The following GABRB2 variants were observed in gnomAD, a reference collection of about 807,000 sequenced individuals.
GABRB2 encodes the protein gamma-aminobutyric acid receptor subunit beta-2.
Under a neutral mutation model 54.7 loss-of-function variants are expected in GABRB2, and 16 were observed. The ratio of observed to expected loss-of-function variants is 0.29; its 90% CI spans 0.20 to 0.44. GABRB2 has a LOEUF of 0.44. Among genes scored for constraint, GABRB2 ranks in the 20% least tolerant of loss-of-function variants. GABRB2 has a pLI of 1.00. For missense variants in GABRB2, 355 were observed against 644.0 expected (o/e 0.55, Z 4.86); for synonymous variants, 244 against 233.8 (o/e 1.04, Z -0.40).
chr5:161,433,295 T>C (rs114311499), intron 4 of GABRB2, among the ~76,000 whole-genome samples: 2,988 of 152,156 alleles, frequency 0.02, 40 homozygotes, highest in Middle Eastern at 0.082. Context: ...TTTTGACCTC[T>C]GGCCATACGA....
At chr5:161,320,064 C>T (rs1758163462) in intron 9 of GABRB2, among the ~76,000 whole-genome samples, 1 of 151,464 alleles carries the variant, frequency 6.6e-6, no homozygotes, top group Admixed American at 6.6e-5. Flanking sequence ...CCTTAATAGC[C>T]TTTTCCTTTA....
chr5:161,358,269 A>G (rs1754699853), intron 5 of GABRB2, among the ~76,000 whole-genome samples: 1 of 152,206 alleles, frequency 6.6e-6, no homozygotes, highest in African/African-American at 2.4e-5. Context: ...ATCATGCAAG[A>G]TAACACCTGG....
rs879263631 is a variant in GABRB2, at chr5:161,308,253, CCT to C, written c.1192-13827_1192-13826del. 2.0e-5 allele frequency among the ~76,000 whole-genome samples: 3 copies of C among 152,212 alleles called. No homozygotes were observed. In the East Asian group the frequency reaches 5.8e-4, roughly 29 times the overall value. On this transcript the variant is annotated intron_variant, in intron 9 of 9. Transcript: ENST00000393959. ...TTGTGACAATAGTTGAGACTGACCC[CCT>C]GTTTAGGTGTAGGCCTGATTGTTTT... is the stretch of plus-strand genomic sequence containing the variant.
chr5:161,397,702 C>G (rs997498479), intron 5 of GABRB2, among the ~76,000 whole-genome samples: 1 of 152,264 alleles, frequency 6.6e-6, no homozygotes, highest in African/African-American at 2.4e-5. Context: ...AGAATCACTT[C>G]CTATATTAAA....
chr5:161,299,801 T>G (rs1757484112), intron 9 of GABRB2, among the ~76,000 whole-genome samples: 1 of 152,182 alleles, frequency 6.6e-6, no homozygotes, highest in Non-Finnish European at 1.5e-5. Flanking sequence ...TTCATCTCAT[T>G]TAAAGATCTC....
intron 4 of GABRB2, among the ~76,000 whole-genome samples, chr5:161,425,817 C>A (rs888591293): frequency 6.6e-6 from 1 of 152,000 alleles, no homozygotes; most frequent in Non-Finnish European, 1.5e-5. Flanking sequence ...TAATGGGGTA[C>A]CATCTTTCTC....
intron 5 of GABRB2, among the ~76,000 whole-genome samples, chr5:161,406,714 G>A (rs1756357404): frequency 6.6e-6 from 1 of 152,024 alleles, no homozygotes; most frequent in East Asian, 1.9e-4. Context: ...GTGTCTCTCA[G>A]GTAATCAGTG....
At chr5:161,508,086 T>A (rs1364415713) in intron 3 of GABRB2, among the ~76,000 whole-genome samples, 2 of 151,880 alleles carry the variant, frequency 1.3e-5, no homozygotes, top group African/African-American at 4.8e-5. Context: ...AAATACTGTT[T>A]TAAGTACTAT....
chr5:161,478,557 C>T (rs948104377), intron 3 of GABRB2, among the ~76,000 whole-genome samples: 7 of 151,988 alleles, frequency 4.6e-5, no homozygotes, highest in Non-Finnish European at 1.0e-4. Context: ...TTCTGACCTT[C>T]ATGGAGTTTT....
intron 3 of GABRB2, among the ~76,000 whole-genome samples, chr5:161,502,730 A>G (rs1759489608): frequency 6.6e-6 from 1 of 152,228 alleles, no homozygotes; most frequent in South Asian, 2.1e-4. Flanking sequence ...AGGGAGCAAT[A>G]CCTTGGCTAG....
chr5:161,488,661 A>G (rs1447391453), intron 3 of GABRB2, among the ~76,000 whole-genome samples: 2 of 151,790 alleles, frequency 1.3e-5, no homozygotes, highest in Non-Finnish European at 2.9e-5. Context: ...CCAGTGCTAA[A>G]ATTAATTTCT....
intron 4 of GABRB2, among the ~76,000 whole-genome samples, chr5:161,443,238 T>C (rs1757518011): frequency 6.6e-6 from 1 of 152,206 alleles, no homozygotes; most frequent in Admixed American, 6.5e-5. Flanking sequence ...AACTGACAAC[T>C]TGCAAGGATA....
chr5:161,375,040 C>T (rs528579666), intron 5 of GABRB2, among the ~76,000 whole-genome samples: 1 of 152,206 alleles, frequency 6.6e-6, no homozygotes, highest in Non-Finnish European at 1.5e-5. Context: ...GCGTGAGAGA[C>T]AAAATGATAT....
chr5:161,529,421 C>T (rs1363638119), intron 3 of GABRB2, among the ~76,000 whole-genome samples: 1 of 151,910 alleles, frequency 6.6e-6, no homozygotes, highest in Admixed American at 6.6e-5. Flanking sequence ...ATCAGAAGAA[C>T]ACAAAATAAA....
At chr5:161,519,467 A>T (rs1034572996) in intron 3 of GABRB2, among the ~76,000 whole-genome samples, 30 of 152,220 alleles carry the variant, frequency 2.0e-4, no homozygotes, top group African/African-American at 7.2e-4. Context: ...TCATTCTACC[A>T]CTAAAGGTGG....
intron 4 of GABRB2, among the ~76,000 whole-genome samples, chr5:161,455,209 A>G (rs1021655204): frequency 6.6e-6 from 1 of 151,734 alleles, no homozygotes; most frequent in African/African-American, 2.4e-5. Flanking sequence ...AGCAGTGGGC[A>G]TGCTTTTGCA....
At chr5:161,352,255 A>G (rs771863245) in intron 5 of GABRB2, among the ~76,000 whole-genome samples, 5 of 152,064 alleles carry the variant, frequency 3.3e-5, no homozygotes, top group Non-Finnish European at 7.4e-5. Flanking sequence ...CTGTACTCCC[A>G]TGTTCACTGA....
At chr5:161,321,824 T>C (rs1758219726) in intron 9 of GABRB2, among the ~76,000 whole-genome samples, 1 of 152,160 alleles carries the variant, frequency 6.6e-6, no homozygotes, top group Admixed American at 6.5e-5. Context: ...TAGTTAAATA[T>C]GTTGTATAAT....
At chr5:161,359,362 A>G (rs1174719072) in intron 5 of GABRB2, among the ~76,000 whole-genome samples, 1 of 152,118 alleles carries the variant, frequency 6.6e-6, no homozygotes, top group Non-Finnish European at 1.5e-5. Context: ...CTATAAACCT[A>G]AATTTTTTCC....
Sources: gnomAD v4.1 joint callset for allele counts (sites outside exome capture counted in the v4.1 genomes callset) on GRCh38, gnomAD v4.1.1 for gene constraint, MANE v1.5 for transcripts, NCBI Gene and HGNC (gene_info 2026-07-23, HGNC 2026-07-21) for gene names.